TMCC1: variants seen among roughly 807,000 people sequenced by gnomAD.
TMCC1 encodes transmembrane and coiled-coil domain family 1.
TMCC1 carries 15 observed loss-of-function variants against 52.4 expected under a neutral mutation model. That is an observed-to-expected ratio of 0.29 (90% CI 0.19 to 0.44). TMCC1 has a LOEUF of 0.44. Ranked by LOEUF, TMCC1 falls within the 20% of genes least tolerant of loss-of-function variation. TMCC1 has a pLI of 1.00. For synonymous variants in TMCC1, 279 were observed against 301.9 expected (o/e 0.92, Z 0.79); for missense variants, 503 against 806.0 (o/e 0.62, Z 4.55).
At chr3:129,753,365 T>C (rs1348879418) in intron 4 of TMCC1, among the ~76,000 whole-genome samples, 1 of 152,226 alleles carries the variant, frequency 6.6e-6, no homozygotes, top group Non-Finnish European at 1.5e-5. Flanking sequence ...CCAAAGCAGA[T>C]GTTTTTCACA....
At chr3:129,715,894 C>A (rs1230353148) in intron 4 of TMCC1, among the ~76,000 whole-genome samples, 1 of 152,102 alleles carries the variant, frequency 6.6e-6, no homozygotes, top group African/African-American at 2.4e-5. Context: ...GTACCTCCAT[C>A]TAAGAGACAG....
intron 4 of TMCC1, among the ~76,000 whole-genome samples, chr3:129,722,017 A>T (rs2049652441): frequency 6.6e-6 from 1 of 152,204 alleles, no homozygotes; most frequent in South Asian, 2.1e-4. Flanking sequence ...CTCATTTGTG[A>T]ACATTTTAAT....
At chr3:129,732,161 TAC>T (rs2050596287) in intron 4 of TMCC1, among the ~76,000 whole-genome samples, 1 of 152,238 alleles carries the variant, frequency 6.6e-6, no homozygotes, top group South Asian at 2.1e-4. Context: ...TTTCTACATA[TAC>T]AGTGATGTAG....
chr3:129,726,731 T>A (rs1395052756), intron 4 of TMCC1, among the ~76,000 whole-genome samples: 1 of 150,360 alleles, frequency 6.7e-6, no homozygotes, highest in South Asian at 2.1e-4. Flanking sequence ...ATACAAAAAT[T>A]AGCTGGGTGA....
chr3:129,707,229 T>C (rs2108987732), intron 4 of TMCC1, among the ~76,000 whole-genome samples: 1 of 152,326 alleles, frequency 6.6e-6, no homozygotes, highest in Non-Finnish European at 1.5e-5. Flanking sequence ...GCTCAATAAA[T>C]ATCTGTTGGA....
intron 4 of TMCC1, among the ~76,000 whole-genome samples, chr3:129,765,419 T>C (rs766370635): frequency 1.5e-4 from 23 of 152,242 alleles, no homozygotes; most frequent in East Asian, 5.8e-4. Context: ...TCAGTAAATA[T>C]ACTCATAACA....
chr3:129,680,298 T>C (rs925086882), intron 4 of TMCC1, among the ~76,000 whole-genome samples: 10 of 152,214 alleles, frequency 6.6e-5, no homozygotes, highest in African/African-American at 9.7e-5. Context: ...GCAAAGGTAA[T>C]AGTAGTAACT....
At chr3:129,769,798 A>G (rs2107698686) in intron 4 of TMCC1, among the ~76,000 whole-genome samples, 1 of 152,220 alleles carries the variant, frequency 6.6e-6, no homozygotes. Context: ...GAATAATTAA[A>G]CCACACTCCT....
At chr3:129,780,829 C>T (rs1464256788) in intron 4 of TMCC1, among the ~76,000 whole-genome samples, 1 of 152,136 alleles carries the variant, frequency 6.6e-6, no homozygotes, top group Admixed American at 6.6e-5. Context: ...CCTGTTCTCT[C>T]AAACCTAATC....
chr3:129,735,684 T>G (rs951963457), intron 4 of TMCC1, among the ~76,000 whole-genome samples: 3 of 149,086 alleles, frequency 2.0e-5, no homozygotes, highest in African/African-American at 7.4e-5. Flanking sequence ...CCAGGGATTA[T>G]GAAGATTTAA....
intron 4 of TMCC1, among the ~76,000 whole-genome samples, chr3:129,672,335 C>T (rs1380353801): frequency 2.0e-5 from 3 of 152,096 alleles, no homozygotes; most frequent in African/African-American, 2.4e-5. Flanking sequence ...CAGTGGCTCA[C>T]GTCTATATTC....
intron 4 of TMCC1, among the ~76,000 whole-genome samples, chr3:129,714,071 A>G (rs140289954): frequency 7.7e-4 from 117 of 152,362 alleles, no homozygotes; most frequent in African/African-American, 2.7e-3. Flanking sequence ...AAAATAGGAC[A>G]ATATGGGATA....
chr3:129,805,461 T>C (rs1041734145), intron 4 of TMCC1, among the ~76,000 whole-genome samples: 23 of 152,252 alleles, frequency 1.5e-4, no homozygotes, highest in African/African-American at 5.5e-4. Flanking sequence ...TTGCACCTGG[T>C]CACATTTAAA....
intron 4 of TMCC1, among the ~76,000 whole-genome samples, chr3:129,683,506 CTG>C (rs2089175561): frequency 1.3e-5 from 2 of 152,304 alleles, no homozygotes; most frequent in South Asian, 4.1e-4. Flanking sequence ...CTTTGACAGA[CTG>C]TAGTTCTAGC....
intron 4 of TMCC1, chr3:129,818,965 T>C (rs572264557): frequency 2.5e-4 from 38 of 153,202 alleles, no homozygotes; most frequent in African/African-American, 8.4e-4. Context: ...TTACAACTAA[T>C]TGATCACAAC....
intron 4 of TMCC1, among the ~76,000 whole-genome samples, chr3:129,817,397 C>T (rs960041667): frequency 3.3e-5 from 5 of 152,018 alleles, no homozygotes; most frequent in East Asian, 1.9e-4. Flanking sequence ...TGCAGTGAGC[C>T]GTGATCAAAC....
At chr3:129,864,361 T>C (rs761382890) in intron 2 of TMCC1, among the ~76,000 whole-genome samples, 4 of 152,240 alleles carry the variant, frequency 2.6e-5, no homozygotes, top group Non-Finnish European at 5.9e-5. Flanking sequence ...ACCACATTTA[T>C]ACCTATGCCC....
intron 1 of TMCC1, among the ~76,000 whole-genome samples, chr3:129,887,519 C>T (rs111487890): frequency 0.03 from 4,236 of 142,402 alleles, 94 homozygotes; most frequent in South Asian, 0.075. Flanking sequence ...TCCAACCTGG[C>T]GACAGAGCAA....
At chr3:129,730,267 T>G (rs1354866991) in intron 4 of TMCC1, among the ~76,000 whole-genome samples, 2 of 152,144 alleles carry the variant, frequency 1.3e-5, no homozygotes, top group African/African-American at 4.8e-5. Context: ...GATTAAAAAT[T>G]TCCTGTGTTG....
Sources: gnomAD v4.1 joint callset for allele counts (sites outside exome capture counted in the v4.1 genomes callset) on GRCh38, gnomAD v4.1.1 for gene constraint, MANE v1.5 for transcripts, NCBI Gene and HGNC (gene_info 2026-07-23, HGNC 2026-07-21) for gene names.